Variants in TTC28 observed in about 807,000 individuals in gnomAD.
The protein encoded by TTC28 is tetratricopeptide repeat protein 28.
Under a neutral mutation model 198.0 loss-of-function variants are expected in TTC28, and 61 were observed. The ratio of observed to expected loss-of-function variants is 0.31; its 90% CI spans 0.25 to 0.38. The LOEUF (loss-of-function observed/expected upper bound fraction) is 0.38. Among genes scored for constraint, TTC28 ranks in the 10% least tolerant of loss-of-function variants. The probability of loss-of-function intolerance (pLI) is 1.00; values close to 1 mark genes in which losing one functional copy is unlikely to be tolerated. For missense variants in TTC28, 2,678 were observed against 3,164.0 expected (o/e 0.85, Z 3.69); for synonymous variants, 1,171 against 1,297.8 (o/e 0.90, Z 2.10).
intron 2 of TTC28, among the ~76,000 whole-genome samples, chr22:28,382,184 ATAAAG>A (rs2046506987): frequency 1.3e-5 from 2 of 152,206 alleles, no homozygotes; most frequent in Admixed American, 1.3e-4. Flanking sequence ...GTCAAAAGAA[ATAAAG>A]TAAACCCTCA....
At chr22:28,143,751 G>C (rs1943396493) in intron 6 of TTC28, among the ~76,000 whole-genome samples, 1 of 152,138 alleles carries the variant, frequency 6.6e-6, no homozygotes, top group African/African-American at 2.4e-5. Context: ...AGATCACACA[G>C]AAGGTCTAAA....
intron 2 of TTC28, among the ~76,000 whole-genome samples, chr22:28,384,590 C>A (rs780939295): frequency 6.6e-6 from 1 of 152,292 alleles, no homozygotes; most frequent in East Asian, 1.9e-4. Context: ...GCATTCAATA[C>A]GTGGTGATGA....
intron 2 of TTC28, among the ~76,000 whole-genome samples, chr22:28,400,489 G>A (rs1176378544): frequency 6.6e-6 from 1 of 151,988 alleles, no homozygotes; most frequent in Non-Finnish European, 1.5e-5. Context: ...GGGTATTAAG[G>A]GCAGGAAAGA....
At chr22:28,551,763 C>A (rs1289897623) in intron 2 of TTC28, among the ~76,000 whole-genome samples, 1 of 152,152 alleles carries the variant, frequency 6.6e-6, no homozygotes, top group East Asian at 1.9e-4. Context: ...AAACCCACAG[C>A]CAACATTACA....
chr22:28,513,193 G>A (rs2048717361), intron 2 of TTC28, among the ~76,000 whole-genome samples: 1 of 151,950 alleles, frequency 6.6e-6, no homozygotes, highest in Admixed American at 6.6e-5. Context: ...TTATTAACCA[G>A]CCCATACTTT....
At chr22:28,004,801 A>G (rs1937868204) in intron 14 of TTC28, among the ~76,000 whole-genome samples, 1 of 152,190 alleles carries the variant, frequency 6.6e-6, no homozygotes, top group Non-Finnish European at 1.5e-5. Flanking sequence ...CTGAAAGATT[A>G]GTTATAATCC....
At chr22:28,039,768 A>G (rs1939535594) in intron 12 of TTC28, among the ~76,000 whole-genome samples, 1 of 152,194 alleles carries the variant, frequency 6.6e-6, no homozygotes, top group Non-Finnish European at 1.5e-5. Flanking sequence ...AGAGACACAA[A>G]AAACCCTTCA....
rs745773914 is a variant in TTC28, at chr22:28,103,517, T to C, written c.3307+1762A>G. The stretch of plus-strand genomic sequence containing the variant: ...GTTTCCAGATAAACTAGTCCCTCCT[T>C]GCCAGAGGCTGCAGACCTAACTCAG... On this transcript the variant is annotated intron_variant, in intron 8 of 22. Transcript: ENST00000397906. 2.0e-5 allele frequency among the ~76,000 whole-genome samples: 3 copies of C among 152,254 alleles called. No individual in the cohort carries two copies. The South Asian group carries it at 6.2e-4, about 32-fold the overall frequency.
chr22:28,150,363 G>A (rs1025688612), intron 6 of TTC28, among the ~76,000 whole-genome samples: 2 of 152,130 alleles, frequency 1.3e-5, no homozygotes, highest in African/African-American at 2.4e-5. Context: ...CTCCATGAAG[G>A]AGAACAACGG....
intron 2 of TTC28, among the ~76,000 whole-genome samples, chr22:28,549,243 G>A (rs1166680840): frequency 6.6e-6 from 1 of 151,922 alleles, no homozygotes; most frequent in Non-Finnish European, 1.5e-5. Flanking sequence ...TGGCCAGGCT[G>A]GTCTCAAACT....
At position 28,105,656 on chromosome 22, in the gene TTC28, A is replaced by G; in HGVS notation, c.2930T>C (p.Ile977Thr). The G allele has an allele frequency of 6.4e-7, 1 of 1,551,994 alleles. No homozygotes were observed. Among genetic ancestry groups the G allele is most frequent in the Non-Finnish European group, 8.7e-7 (1 of 1,147,058 alleles). The change falls in exon 8 of 23, where the codon ATT becomes ACT. Residue 977 changes from isoleucine to threonine, a missense_variant. Transcript: ENST00000397906. ...HSQLGNYEQA[I>T]SCLERQLNIA... ...GTTCAGCTGGCGTTCAAGGCAGGAAATGGCTTGTTCGTAATTCCCTAATTG... is the reference window on the plus strand; with the variant it reads ...GTTCAGCTGGCGTTCAAGGCAGGAAGTGGCTTGTTCGTAATTCCCTAATTG...
At chr22:28,230,446 A>G (rs1928714357) in intron 5 of TTC28, among the ~76,000 whole-genome samples, 1 of 152,226 alleles carries the variant, frequency 6.6e-6, no homozygotes, top group Non-Finnish European at 1.5e-5. Context: ...GGTGACTACA[A>G]CATAAGACTG....
At chr22:28,124,957 ACT>A (rs1942879100) in intron 6 of TTC28, among the ~76,000 whole-genome samples, 1 of 152,128 alleles carries the variant, frequency 6.6e-6, no homozygotes, top group Admixed American at 6.5e-5. Context: ...ACCAACATGA[ACT>A]CTCTATTCCA....
At chr22:28,636,860 GA>G (rs1422163729) in intron 1 of TTC28, among the ~76,000 whole-genome samples, 1 of 151,768 alleles carries the variant, frequency 6.6e-6, no homozygotes, top group Non-Finnish European at 1.5e-5. Flanking sequence ...CTTTTTTGTG[GA>G]AAAATTTTTA....
At chr22:28,286,073 C>T (rs1157761917) in intron 5 of TTC28, among the ~76,000 whole-genome samples, 2 of 151,802 alleles carry the variant, frequency 1.3e-5, no homozygotes, top group Non-Finnish European at 2.9e-5. Flanking sequence ...GATCTCGGCT[C>T]ACCACAAGCT....
intron 2 of TTC28, among the ~76,000 whole-genome samples, chr22:28,450,746 CACA>C (rs1321616905): frequency 1.3e-5 from 2 of 152,228 alleles, no homozygotes; most frequent in South Asian, 2.1e-4. Flanking sequence ...CTGTCTACGA[CACA>C]ACAACTGGGA....
intron 2 of TTC28, among the ~76,000 whole-genome samples, chr22:28,594,632 T>C (rs946950676): frequency 2.1e-4 from 32 of 150,346 alleles, no homozygotes; most frequent in African/African-American, 8.1e-4. Context: ...AGTAATAGTA[T>C]AATATAGTAT....
chr22:27,992,232 C>T (rs1382730516), intron 19 of TTC28, among the ~76,000 whole-genome samples: 1 of 152,184 alleles, frequency 6.6e-6, no homozygotes, highest in Non-Finnish European at 1.5e-5. Flanking sequence ...CCTCTGTGCC[C>T]CTCTGAGTCA....
At chr22:28,465,763 A>G (rs548406684) in intron 2 of TTC28, among the ~76,000 whole-genome samples, 1 of 152,360 alleles carries the variant, frequency 6.6e-6, no homozygotes, top group East Asian at 1.9e-4. Flanking sequence ...GACATCAGGA[A>G]TCAAAGGTTG....
Sources: allele counts gnomAD v4.1 joint callset (sites outside exome capture counted in the v4.1 genomes callset), GRCh38; gene constraint gnomAD v4.1.1; transcripts MANE v1.5; gene names NCBI Gene and HGNC (gene_info 2026-07-23, HGNC 2026-07-21).